Variants in AQP11 observed in about 807,000 individuals in gnomAD.
AQP11 encodes the protein aquaporin-11.
A neutral mutation model predicts 21.1 loss-of-function variants in AQP11; 20 were observed. The observed-to-expected ratio is 0.95, with a 90% confidence interval of 0.67 to 1.38. The LOEUF (loss-of-function observed/expected upper bound fraction) is 1.38, where lower values mean the gene tolerates loss of function less well. Among genes scored for constraint, AQP11 ranks in the 40% most tolerant of loss-of-function variants. AQP11 has a pLI of 0.00. For missense variants in AQP11, 339 were observed against 340.4 expected, an observed-to-expected ratio of 1.00 and a Z score of 0.03; for synonymous variants, 167 against 150.1, an observed-to-expected ratio of 1.11 and a Z score of -0.82.
At position 77,590,340 on chromosome 11, in the gene AQP11, G is replaced by A. The variant is rs145642525; in HGVS notation, c.348G>A (p.Thr116=). The change falls in exon 1 of 3, where the codon ACG becomes ACA. Residue 116 remains threonine, a synonymous_variant. Coordinates refer to ENST00000313578, the MANE Select transcript of AQP11 (RefSeq NM_173039.3). The part of the protein sequence containing the change: ...QMMLGGMSPE[T]GAVRLLAQLV... Reference sequence around the variant, plus strand: ...TGCTGGGGGGCATGTCCCCCGAGACGGGTGCGGTGAGGCTATTGGCTCAGC... The same window carrying A: ...TGCTGGGGGGCATGTCCCCCGAGACAGGTGCGGTGAGGCTATTGGCTCAGC... The A allele has an allele frequency of 9.6e-4, 1,546 of 1,610,950 alleles. 16 individuals carry two copies. The Middle Eastern group carries it at 0.011, about 12-fold the overall frequency.
At chr11:77,592,701 T>C (rs1161433373) in intron 1 of AQP11, among the ~76,000 whole-genome samples, 1 of 152,218 alleles carries the variant, frequency 6.6e-6, no homozygotes, top group Non-Finnish European at 1.5e-5. Context: ...GATCCAGTCA[T>C]AGATATAAGG....
At chr11:77,598,098 A>G (rs1565117930) in intron 1 of AQP11, among the ~76,000 whole-genome samples, 1 of 152,196 alleles carries the variant, frequency 6.6e-6, no homozygotes, top group Non-Finnish European at 1.5e-5. Context: ...AGGGTATGAT[A>G]ACACTCCTTT....
chr11:77,599,894 T>C (rs1242084131), intron 1 of AQP11, among the ~76,000 whole-genome samples: 1 of 151,848 alleles, frequency 6.6e-6, no homozygotes, highest in African/African-American at 2.4e-5. Context: ...GCCCAAACTC[T>C]TTTCATGTGC....
intron 1 of AQP11, among the ~76,000 whole-genome samples, chr11:77,596,537 AATATATATATATATAT>A (rs529433093): frequency 0.017 from 1,480 of 86,550 alleles, 64 homozygotes; most frequent in African/African-American, 0.06. Flanking sequence ...TATATATGTA[AATATATATATATATAT>A]ATATATATAT....
intron 1 of AQP11, among the ~76,000 whole-genome samples, chr11:77,597,369 C>T (rs1169846759): frequency 2.0e-5 from 3 of 152,128 alleles, no homozygotes; most frequent in South Asian, 2.1e-4. Context: ...GCCAGGAGTT[C>T]GAGACCAGCC....
chr11:77,596,843 G>T (rs1220458964), intron 1 of AQP11, among the ~76,000 whole-genome samples: 1 of 149,740 alleles, frequency 6.7e-6, no homozygotes, highest in Admixed American at 6.7e-5. Flanking sequence ...CTGGGTGAAA[G>T]AGTGAGATCT....
At chr11:77,591,170 T>A (rs946068208) in intron 1 of AQP11, 1 of 951,602 alleles carries the variant, frequency 1.1e-6, no homozygotes, top group Non-Finnish European at 1.3e-6. Flanking sequence ...TAATTCATTT[T>A]GAGTTATACA....
chr11:77,599,919 T>C (rs1958805776), intron 1 of AQP11, among the ~76,000 whole-genome samples: 1 of 151,928 alleles, frequency 6.6e-6, no homozygotes, highest in Admixed American at 6.6e-5. Flanking sequence ...ACTATACATA[T>C]AGATAAAACC....
intron 1 of AQP11, 44 bp from the exon 2 acceptor site, chr11:77,603,512 G>T: frequency 2.2e-6 from 3 of 1,334,592 alleles, no homozygotes; most frequent in South Asian, 1.4e-5. Context: ...CAAGGAAATG[G>T]AAGATAAATC....
intron 1 of AQP11, among the ~76,000 whole-genome samples, chr11:77,594,213 GTA>G (rs984398770): frequency 6.6e-5 from 10 of 152,140 alleles, no homozygotes; most frequent in African/African-American, 2.4e-4. Flanking sequence ...ATACTTTATG[GTA>G]TATATATATT....
At chr11:77,596,457 T>A (rs180863060) in intron 1 of AQP11, among the ~76,000 whole-genome samples, 2,630 of 128,766 alleles carry the variant, frequency 0.02, 51 homozygotes, top group South Asian at 0.044. Context: ...AAAAAAAAAA[T>A]ATATATATAT....
chr11:77,601,508 A>G (rs1958815435), intron 1 of AQP11, among the ~76,000 whole-genome samples: 1 of 151,930 alleles, frequency 6.6e-6, no homozygotes, highest in Non-Finnish European at 1.5e-5. Flanking sequence ...TGGCACCACA[A>G]CCAGCTAATT....
intron 1 of AQP11, among the ~76,000 whole-genome samples, chr11:77,596,674 C>T (rs950544968): frequency 6.7e-6 from 1 of 150,108 alleles, no homozygotes; most frequent in Non-Finnish European, 1.5e-5. Flanking sequence ...GTCTGGGCAA[C>T]ATAGCAAGAC....
chr11:77,606,961 A>G (rs1958850262), intron 2 of AQP11, among the ~76,000 whole-genome samples: 1 of 152,194 alleles, frequency 6.6e-6, no homozygotes, highest in Non-Finnish European at 1.5e-5. Flanking sequence ...ATGTATTCCA[A>G]GATTCTCAGT....
At chr11:77,598,142 C>T (rs1003597797) in intron 1 of AQP11, among the ~76,000 whole-genome samples, 2 of 152,200 alleles carry the variant, frequency 1.3e-5, no homozygotes, top group African/African-American at 2.4e-5. Flanking sequence ...AATGGGTTCT[C>T]TGGAGAGGGA....
intron 1 of AQP11, among the ~76,000 whole-genome samples, chr11:77,595,231 C>T (rs1958771482): frequency 1.3e-5 from 2 of 152,034 alleles, no homozygotes; most frequent in African/African-American, 4.8e-5. Context: ...ATCCCAGCTA[C>T]TCAGGAGGCA....
chr11:77,595,719 C>A (rs369804481), intron 1 of AQP11, among the ~76,000 whole-genome samples: 1 of 151,654 alleles, frequency 6.6e-6, no homozygotes, highest in South Asian at 2.1e-4. Context: ...GTCGGGAGTT[C>A]GAGACCAGCC....
chr11:77,603,822 T>C (rs1958829462), intron 2 of AQP11, 150 bp downstream of exon 2: 3 of 557,958 alleles, frequency 5.4e-6, no homozygotes, highest in African/African-American at 1.9e-5. Context: ...AATAATACTT[T>C]GTGTAGTATC....
chr11:77,605,201 C>T (rs189082642), intron 2 of AQP11, among the ~76,000 whole-genome samples: 374 of 152,130 alleles, frequency 2.5e-3, no homozygotes, highest in African/African-American at 8.5e-3. Flanking sequence ...TCAAAAAATC[C>T]GTTTTTAAAT....
Sources: gnomAD v4.1 joint callset for allele counts (sites outside exome capture counted in the v4.1 genomes callset) on GRCh38, gnomAD v4.1.1 for gene constraint, MANE v1.5 for transcripts, NCBI Gene and HGNC (gene_info 2026-07-23, HGNC 2026-07-21) for gene names.